ITGA11: variants seen among roughly 807,000 people sequenced by gnomAD.
ITGA11 encodes the protein integrin alpha-11.
In ITGA11, 97 loss-of-function variants were observed where a neutral mutation model predicts 141.9. The observed-to-expected ratio is 0.68, with a 90% CI of 0.58 to 0.81. The LOEUF is 0.81. Ranked by LOEUF, ITGA11 falls within the 30% of genes least tolerant of loss-of-function variation. The probability of loss-of-function intolerance (pLI) is 0.00; values close to 1 mark genes in which losing one functional copy is unlikely to be tolerated. For synonymous variants in ITGA11, 658 were observed against 624.6 expected (o/e 1.05, Z -0.80); for missense variants, 1,387 against 1,559.2 (o/e 0.89, Z 1.86).
In ITGA11 at chr15:68,375,162, A is replaced by T. The variant is rs114283754; in HGVS notation, c.165-5878T>A. Among the ~76,000 whole-genome samples the T allele has an allele frequency of 5.2e-3, 786 of 152,048 alleles. 7 individuals are homozygous for T. Among genetic ancestry groups the T allele is most frequent in the African/African-American group, 0.018 (760 of 41,468 alleles). On this transcript the variant is annotated intron_variant, in intron 2 of 29. Transcript: ENST00000315757. ...GAGCCTCTCACCTCTCTCCTCTCTC[A>T]CCCCATTCCCTTCCTCACCTGTTCC...
chr15:68,315,154 G>T (rs1017194698), intron 22 of ITGA11, among the ~76,000 whole-genome samples: 5 of 152,308 alleles, frequency 3.3e-5, no homozygotes, highest in Admixed American at 1.3e-4. Context: ...GACAGGAAGA[G>T]CCCTGGATGG....
rs1363757477 is a variant in ITGA11 at position 68,333,614 on chromosome 15, TG to T, written c.1426-1137del. Among the ~76,000 whole-genome samples the T allele has an allele frequency of 6.6e-6, 1 of 152,192 alleles. No individual in the cohort carries two copies. Among genetic ancestry groups the T allele is most frequent in the African/African-American group, 2.4e-5 (1 of 41,464 alleles). ...AAACCTGCCAGCAAGTGCTACGTGGTGGGTGCCAATTCACCAACTGCTCCCC... is the reference window on the plus strand; with the variant it reads ...AAACCTGCCAGCAAGTGCTACGTGGTGGTGCCAATTCACCAACTGCTCCCC... On this transcript the variant is annotated intron_variant, in intron 12 of 29. Transcript: ENST00000315757. The surrounding 1 kb of genome is among the most constrained non-coding windows in gnomAD (Gnocchi z 4.2).
intron 10 of ITGA11, among the ~76,000 whole-genome samples, chr15:68,340,102 T>C (rs1325372978): frequency 6.6e-6 from 1 of 152,102 alleles, no homozygotes; most frequent in Non-Finnish European, 1.5e-5. Context: ...CTCCTTGGTT[T>C]CTTCAGCAAA....
At chr15:68,375,358 C>T (rs1360062478) in intron 2 of ITGA11, among the ~76,000 whole-genome samples, 1 of 152,224 alleles carries the variant, frequency 6.6e-6, no homozygotes, top group Non-Finnish European at 1.5e-5. Flanking sequence ...TTAGTGAGGC[C>T]TTTCTCTCCC....
intron 1 of ITGA11, among the ~76,000 whole-genome samples, chr15:68,418,391 T>C (rs1896937878): frequency 6.6e-6 from 1 of 152,222 alleles, no homozygotes; most frequent in Admixed American, 6.5e-5. Context: ...TCAGAAATCC[T>C]GGTTCTATTG....
At position 68,413,336 on chromosome 15, in the gene ITGA11, CCTT is replaced by C. The variant is rs1484389552; in HGVS notation, c.53-10310_53-10308del. The stretch of plus-strand genomic sequence containing the variant: ...ATACTTATCTATGTTCACCACCACT[CCTT>C]CTGTGTTAGTCCCCTCTATGGCCCT... On this transcript the variant is annotated intron_variant, in intron 1 of 29. Transcript: ENST00000315757. Among the ~76,000 whole-genome samples, 4 of 152,208 alleles carry C rather than the reference CCTT, an allele frequency of 2.6e-5. No individual in the cohort carries two copies. The East Asian group carries it at 7.7e-4, about 29-fold the overall frequency.
Position 68,394,267 on chromosome 15 carries a change from T to C in ITGA11, c.164+8651A>G, listed in dbSNP as rs141181804. Among the ~76,000 whole-genome samples, 1,258 of 152,278 alleles carry C rather than the reference T, an allele frequency of 8.3e-3. 49 individuals are homozygous for C. Among genetic ancestry groups the C allele is most frequent in the Admixed American group, 0.074 (1,127 of 15,280 alleles). On this transcript the variant is annotated intron_variant, in intron 2 of 29. Coordinates refer to ENST00000315757, the MANE Select transcript of ITGA11 (RefSeq NM_001004439.2). The stretch of plus-strand genomic sequence containing the variant: ...AAGATTTTAAATTATACAGCAGCTC[T>C]CTTGACCACCATGGAATTGAATTAG...
chr15:68,368,605 T>C (rs941336918), intron 3 of ITGA11, among the ~76,000 whole-genome samples: 6 of 152,134 alleles, frequency 3.9e-5, no homozygotes, highest in African/African-American at 1.4e-4. Context: ...CAGTGCTGCA[T>C]GGTGGTTAAA....
chr15:68,336,513 C>T (rs1233122631), intron 11 of ITGA11, among the ~76,000 whole-genome samples: 1 of 152,126 alleles, frequency 6.6e-6, no homozygotes, highest in East Asian at 1.9e-4. Flanking sequence ...GAAAGGCTGC[C>T]AATCCCCGCT....
intron 11 of ITGA11, chr15:68,336,101 G>T: frequency 3.6e-6 from 2 of 550,442 alleles, no homozygotes; most frequent in Non-Finnish European, 6.5e-6. Context: ...GAAAATAAAG[G>T]AAGCCAGGTG....
In ITGA11 at chr15:68,403,040, G is replaced by C. The variant is rs1356089923; in HGVS notation, c.53-11C>G. ...AGGTGTCCGTGAACCCTGAGGCAGG[G>C]GGAGAGGAGAGGAGAAGCAGGGGAG... On this transcript the variant is annotated splice_polypyrimidine_tract_variant and intron_variant, in intron 1 of 29. Coordinates refer to ENST00000315757, the MANE Select transcript of ITGA11 (RefSeq NM_001004439.2). 6.3e-7 allele frequency: 1 copy of C among 1,587,324 alleles called. No individual in the cohort carries two copies. Among genetic ancestry groups the C allele is most frequent in the Non-Finnish European group, 8.6e-7 (1 of 1,157,560 alleles).
intron 5 of ITGA11, among the ~76,000 whole-genome samples, chr15:68,360,387 TC>T (rs1438401355): frequency 6.6e-6 from 1 of 152,206 alleles, no homozygotes; most frequent in African/African-American, 2.4e-5. Context: ...TTCACATTTT[TC>T]TTTCTAAGAT....
chr15:68,345,746 A>G (rs74020083), intron 10 of ITGA11, among the ~76,000 whole-genome samples: 18,150 of 152,194 alleles, frequency 0.12, 1,130 homozygotes, highest in Non-Finnish European at 0.14. Flanking sequence ...TGCTCAGGGC[A>G]AAGTGGAAAG....
chr15:68,388,288 G>T (rs1251123406), intron 2 of ITGA11, among the ~76,000 whole-genome samples: 3 of 151,928 alleles, frequency 2.0e-5, no homozygotes, highest in African/African-American at 7.3e-5. Flanking sequence ...TACTTCACTT[G>T]CCATTTGCAC....
intron 2 of ITGA11, among the ~76,000 whole-genome samples, chr15:68,399,688 A>G (rs777595940): frequency 2.0e-4 from 30 of 152,166 alleles, no homozygotes; most frequent in Non-Finnish European, 2.9e-4. Context: ...TAAGCAAATT[A>G]ACACAGAAAC....
Position 68,312,976 on chromosome 15 carries a change from GGTTC to G in ITGA11, c.2883-117_2883-114del, listed in dbSNP as rs1345549988. 6 of 708,184 alleles carry G rather than the reference GGTTC, an allele frequency of 8.5e-6. No individual in the cohort carries two copies. The African/African-American group carries it at 8.7e-5, about 10-fold the overall frequency. 43.9% of individuals were successfully genotyped at this position (708,184 alleles called of 1,614,324 possible). The stretch of plus-strand genomic sequence containing the variant: ...GGCCTCCCCCGGGCCACGAAAAACA[GGTTC>G]CCGCTTGTGTCGGCTGGGAGTGAGT... On this transcript the variant is annotated intron_variant, in intron 23 of 29. Transcript: ENST00000315757.
chr15:68,349,064 C>T (rs1395386338), intron 9 of ITGA11, among the ~76,000 whole-genome samples, 164 bp from the exon 10 acceptor site: 2 of 152,222 alleles, frequency 1.3e-5, no homozygotes, highest in Non-Finnish European at 2.9e-5. Flanking sequence ...GTGCCAGCCT[C>T]CTCAGCCCTC....
intron 1 of ITGA11, among the ~76,000 whole-genome samples, chr15:68,427,965 A>G (rs1288430240): frequency 2.0e-5 from 3 of 152,132 alleles, no homozygotes; most frequent in African/African-American, 7.2e-5. Context: ...CAGAGATACC[A>G]TTTTTGAACC....
chr15:68,375,868 T>C (rs1345316549), intron 2 of ITGA11, among the ~76,000 whole-genome samples: 1 of 152,128 alleles, frequency 6.6e-6, no homozygotes, highest in Non-Finnish European at 1.5e-5. Context: ...AACACTTAGA[T>C]CTGTAGGCTA....
Sources: gnomAD v4.1 joint callset for allele counts (sites outside exome capture counted in the v4.1 genomes callset) on GRCh38, gnomAD v4.1.1 for gene constraint, Gnocchi (gnomAD v3.1) non-coding constraint, MANE v1.5 for transcripts, NCBI Gene and HGNC (gene_info 2026-07-23, HGNC 2026-07-21) for gene names.